SLC9A9: variants seen among roughly 807,000 people sequenced by gnomAD.
SLC9A9 encodes the protein sodium/hydrogen exchanger 9.
A neutral mutation model predicts 77.8 loss-of-function variants in SLC9A9; 62 were observed. That is an observed-to-expected ratio of 0.80 (90% CI 0.65 to 0.98). The LOEUF (loss-of-function observed/expected upper bound fraction) is 0.98. Ranked by LOEUF, SLC9A9 falls within the 50% of genes least tolerant of loss-of-function variation. The pLI is 0.00. For missense variants in SLC9A9, 775 were observed against 774.9 expected (o/e 1.00, Z 0.00); for synonymous variants, 320 against 283.5 (o/e 1.13, Z -1.29).
intron 2 of SLC9A9, among the ~76,000 whole-genome samples, chr3:143,831,216 A>G (rs1385481789): frequency 1.3e-5 from 2 of 152,178 alleles, no homozygotes; most frequent in African/African-American, 4.8e-5. Context: ...CTGACCTGAA[A>G]AAAAATCTCA....
At chr3:143,684,456 A>G (rs1933198025) in intron 5 of SLC9A9, among the ~76,000 whole-genome samples, 1 of 152,092 alleles carries the variant, frequency 6.6e-6, no homozygotes, top group South Asian at 2.1e-4. Context: ...TTAGATAAGT[A>G]TTTACTTTTC....
At chr3:143,776,199 G>A (rs1216939080) in intron 4 of SLC9A9, among the ~76,000 whole-genome samples, 1 of 151,748 alleles carries the variant, frequency 6.6e-6, no homozygotes, top group Non-Finnish European at 1.5e-5. Flanking sequence ...TTAAAATATT[G>A]GCAGTTTGGC....
At chr3:143,529,724 A>G (rs1437103236) in intron 9 of SLC9A9, among the ~76,000 whole-genome samples, 2 of 152,206 alleles carry the variant, frequency 1.3e-5, no homozygotes, top group African/African-American at 4.8e-5. Context: ...ACATTTATAT[A>G]AATGTATATA....
intron 6 of SLC9A9, among the ~76,000 whole-genome samples, chr3:143,587,130 A>AG (rs1445349804): frequency 2.0e-5 from 3 of 152,248 alleles, no homozygotes; most frequent in Non-Finnish European, 4.4e-5. Flanking sequence ...CTAGTGTATC[A>AG]TGGCTTCCTC....
At chr3:143,275,167 G>T (rs1938009017) in intron 14 of SLC9A9, among the ~76,000 whole-genome samples, 2 of 152,080 alleles carry the variant, frequency 1.3e-5, no homozygotes, top group Admixed American at 1.3e-4. Context: ...TAAAAGCATT[G>T]GCTTATACTT....
intron 9 of SLC9A9, among the ~76,000 whole-genome samples, chr3:143,509,033 T>C (rs1334786865): frequency 6.6e-6 from 1 of 152,208 alleles, no homozygotes; most frequent in Non-Finnish European, 1.5e-5. Context: ...TTAAAACTCA[T>C]TGTCATTAGG....
chr3:143,363,474 C>T lies in SLC9A9; in HGVS notation c.1604+10G>A, dbSNP rs759747796. ...GCAGGATCTGTGAGATCGTTATTAT[C>T]AAAGGATACTTGTGGTCAAAGCTAT... On this transcript the variant is annotated intron_variant, in intron 14 of 15. Transcript: ENST00000316549. 1.4e-5 allele frequency: 23 copies of T among 1,611,368 alleles called. No individual in the cohort carries two copies. Among genetic ancestry groups the T allele is most frequent in the Non-Finnish European group, 2.0e-5 (23 of 1,177,996 alleles).
intron 6 of SLC9A9, 39 bp downstream of exon 6, chr3:143,652,216 A>T (rs2038808306): frequency 1.1e-5 from 17 of 1,480,614 alleles, no homozygotes; most frequent in Non-Finnish European, 1.5e-5. Context: ...AGCATATTTC[A>T]CATGATTAAA....
intron 9 of SLC9A9, among the ~76,000 whole-genome samples, chr3:143,521,541 T>G (rs957364663): frequency 3.3e-5 from 5 of 152,208 alleles, no homozygotes; most frequent in African/African-American, 1.2e-4. Flanking sequence ...TTGATATATT[T>G]GAATTTATTT....
At chr3:143,658,910 G>A (rs2038937871) in intron 5 of SLC9A9, among the ~76,000 whole-genome samples, 1 of 152,182 alleles carries the variant, frequency 6.6e-6, no homozygotes, top group South Asian at 2.1e-4. Flanking sequence ...AAATCTGCTG[G>A]CACTTTACCT....
chr3:143,746,461 C>T (rs535325280), intron 4 of SLC9A9, among the ~76,000 whole-genome samples: 1 of 152,272 alleles, frequency 6.6e-6, no homozygotes, highest in African/African-American at 2.4e-5. Flanking sequence ...CTATGTCTCT[C>T]TCACCTGTTA....
Position 143,363,483 on chromosome 3 carries a change from C to T in SLC9A9, c.1604+1G>A. On this transcript the variant is annotated splice_donor_variant, in intron 14 of 15. Transcript: ENST00000316549. LOFTEE classifies it high-confidence loss of function. Reference sequence around the variant, plus strand: ...GTGAGATCGTTATTATCAAAGGATACTTGTGGTCAAAGCTATACCACATTC... The same window carrying T: ...GTGAGATCGTTATTATCAAAGGATATTTGTGGTCAAAGCTATACCACATTC... The T allele has an allele frequency of 6.2e-7, 1 of 1,611,848 alleles. No homozygotes were observed.
chr3:143,420,245 A>G (rs1380554462), intron 12 of SLC9A9, among the ~76,000 whole-genome samples: 1 of 152,206 alleles, frequency 6.6e-6, no homozygotes, highest in Non-Finnish European at 1.5e-5. Context: ...AATTTATGAA[A>G]TGAAGAAAGT....
intron 4 of SLC9A9, among the ~76,000 whole-genome samples, chr3:143,781,965 C>T (rs1344600571): frequency 6.6e-6 from 1 of 152,150 alleles, no homozygotes; most frequent in East Asian, 1.9e-4. Context: ...AGTGTAATTG[C>T]TAAATCAGGT....
intron 5 of SLC9A9, among the ~76,000 whole-genome samples, chr3:143,670,801 G>A (rs1403814366): frequency 6.6e-6 from 1 of 152,188 alleles, no homozygotes; most frequent in Admixed American, 6.5e-5. Flanking sequence ...AGCAGAACCT[G>A]TGTCTGGTTT....
chr3:143,394,731 G>C (rs1055685048), intron 12 of SLC9A9, among the ~76,000 whole-genome samples: 1 of 152,198 alleles, frequency 6.6e-6, no homozygotes, highest in Non-Finnish European at 1.5e-5. Flanking sequence ...ATCTCCTTAA[G>C]CTGATAGGCA....
Position 143,521,408 on chromosome 3 carries a change from A to G in SLC9A9, c.1090-25960T>C, listed in dbSNP as rs1395887456. 2.0e-5 allele frequency among the ~76,000 whole-genome samples: 3 copies of G among 152,208 alleles called. No individual in the cohort carries two copies. In the East Asian group the frequency reaches 5.8e-4, roughly 29 times the overall value. ...GTTGAGTTTAGTTTGTAAGAATTCA[A>G]TAAGTTCCATACATATATGCGCTTT... On this transcript the variant is annotated intron_variant, in intron 9 of 15. Transcript: ENST00000316549.
Position 143,838,422 on chromosome 3 carries a change from T to C in SLC9A9, c.176-6201A>G, listed in dbSNP as rs940878034. ...AGAGTGTTCAGGAGGGAGAGGGTGT[T>C]GGCAAGGTGGTCGGCAAGGTGGTCT... On this transcript the variant is annotated intron_variant, in intron 1 of 15. Transcript: ENST00000316549. 6.2e-5 allele frequency among the ~76,000 whole-genome samples: 9 copies of C among 146,258 alleles called. No individual in the cohort carries two copies. In the South Asian group the frequency reaches 2.0e-3, roughly 32 times the overall value.
At chr3:143,783,928 A>G (rs886841442) in intron 4 of SLC9A9, among the ~76,000 whole-genome samples, 2 of 152,250 alleles carry the variant, frequency 1.3e-5, no homozygotes, top group Non-Finnish European at 2.9e-5. Flanking sequence ...TAAGATGCCA[A>G]TATCAAGCTT....
Sources: gnomAD v4.1 joint callset for allele counts (sites outside exome capture counted in the v4.1 genomes callset) on GRCh38, gnomAD v4.1.1 for gene constraint, MANE v1.5 for transcripts, NCBI Gene and HGNC (gene_info 2026-07-23, HGNC 2026-07-21) for gene names.